CHRNA7: variants seen among roughly 807,000 people sequenced by gnomAD.
CHRNA7 encodes cholinergic receptor nicotinic alpha 7 subunit.
A neutral mutation model predicts 48.0 loss-of-function variants in CHRNA7; 17 were observed. The ratio of observed to expected loss-of-function variants is 0.35; its 90% CI spans 0.24 to 0.53. The LOEUF is 0.53. Ranked by LOEUF, CHRNA7 falls within the 20% of genes least tolerant of loss-of-function variation. The probability of loss-of-function intolerance (pLI) is 0.92; values close to 1 mark genes in which losing one functional copy is unlikely to be tolerated. For synonymous variants in CHRNA7, 75 were observed against 242.3 expected (o/e 0.31, Z 6.41); for missense variants, 155 against 577.7 (o/e 0.27, Z 7.50).
At chr15:32,114,469 G>A (rs8035022) in intron 4 of CHRNA7, among the ~76,000 whole-genome samples, 4,664 of 152,196 alleles carry the variant, frequency 0.031, 194 homozygotes, top group African/African-American at 0.097. Context: ...CTCTACTGAA[G>A]GATCCTGCTC....
At chr15:32,147,878 C>T (rs1247419829) in intron 4 of CHRNA7, among the ~76,000 whole-genome samples, 2 of 152,318 alleles carry the variant, frequency 1.3e-5, no homozygotes, top group African/African-American at 4.8e-5. Context: ...GCCTTGCTTT[C>T]CCTCTGCAAT....
chr15:32,099,510 T>C (rs1310185803), intron 2 of CHRNA7: 5 of 152,202 alleles, frequency 3.3e-5, no homozygotes, highest in Non-Finnish European at 5.9e-5. Context: ...TCTGTTAGAA[T>C]GTTGGAAAGA....
At chr15:32,131,366 CT>C (rs139275618) in intron 4 of CHRNA7, among the ~76,000 whole-genome samples, 3 of 150,412 alleles carry the variant, frequency 2.0e-5, no homozygotes, top group African/African-American at 7.3e-5. Flanking sequence ...GATTTTTTTT[CT>C]TTTTTTTGGT....
intron 4 of CHRNA7, among the ~76,000 whole-genome samples, chr15:32,131,396 T>A (rs568595309): frequency 6.6e-6 from 1 of 152,084 alleles, no homozygotes; most frequent in East Asian, 1.9e-4. Flanking sequence ...CCTTTGTTGC[T>A]CCGATTGCAT....
At chr15:32,119,633 TA>T (rs34142321) in intron 4 of CHRNA7, among the ~76,000 whole-genome samples, 18,887 of 151,732 alleles carry the variant, frequency 0.12, 1,169 homozygotes, top group Middle Eastern at 0.15. Context: ...TTGAACATTT[TA>T]AAAAAAAATA....
intron 4 of CHRNA7, among the ~76,000 whole-genome samples, chr15:32,136,948 C>T (rs1254436361): frequency 3.6e-5 from 5 of 138,680 alleles, no homozygotes; most frequent in South Asian, 2.4e-4. Flanking sequence ...AGGAGAATGG[C>T]GTGAACCCGG....
At chr15:32,068,607 C>A (rs2050003365) in intron 2 of CHRNA7, among the ~76,000 whole-genome samples, 1 of 151,604 alleles carries the variant, frequency 6.6e-6, no homozygotes, top group African/African-American at 2.4e-5. Flanking sequence ...CCTGTAATCC[C>A]AGCTATTCGG....
intron 2 of CHRNA7, among the ~76,000 whole-genome samples, chr15:32,085,358 G>A (rs2050279039): frequency 1.3e-5 from 2 of 152,116 alleles, no homozygotes; most frequent in Admixed American, 6.5e-5. Flanking sequence ...ATCATTAGCC[G>A]TCTCTGCTAC....
intron 4 of CHRNA7, among the ~76,000 whole-genome samples, chr15:32,138,042 T>C (rs2051303663): frequency 6.6e-6 from 1 of 151,914 alleles, no homozygotes; most frequent in Non-Finnish European, 1.5e-5. Flanking sequence ...TTATAAAATA[T>C]AACATTAACT....
chr15:32,047,749 A>G (rs2049580494), intron 2 of CHRNA7, among the ~76,000 whole-genome samples: 1 of 152,190 alleles, frequency 6.6e-6, no homozygotes, highest in Admixed American at 6.6e-5. Flanking sequence ...TGTCTGTGCC[A>G]GTTTTCAAAG....
At chr15:32,095,214 G>T (rs1253020352) in intron 2 of CHRNA7, among the ~76,000 whole-genome samples, 1 of 152,212 alleles carries the variant, frequency 6.6e-6, no homozygotes, top group Non-Finnish European at 1.5e-5. Context: ...TGTATCCCGA[G>T]AGGGCCAGGC....
intron 2 of CHRNA7, among the ~76,000 whole-genome samples, chr15:32,057,915 A>C (rs935787489): frequency 6.6e-6 from 1 of 152,214 alleles, no homozygotes; most frequent in Non-Finnish European, 1.5e-5. Context: ...AGTCAGGTAA[A>C]TTTCAGACAG....
chr15:32,147,083 C>T (rs1566873889), intron 4 of CHRNA7, among the ~76,000 whole-genome samples: 1 of 152,198 alleles, frequency 6.6e-6, no homozygotes, highest in East Asian at 1.9e-4. Context: ...TTACTTATAG[C>T]TTTGCTGTAA....
intron 4 of CHRNA7, among the ~76,000 whole-genome samples, chr15:32,120,603 C>T (rs2050951832): frequency 6.6e-6 from 1 of 151,776 alleles, no homozygotes; most frequent in Non-Finnish European, 1.5e-5. Context: ...GCTGTCTGTG[C>T]AAGAGTTTGA....
intron 2 of CHRNA7, among the ~76,000 whole-genome samples, chr15:32,088,701 G>A (rs560186192): frequency 6.6e-6 from 1 of 152,152 alleles, no homozygotes; most frequent in East Asian, 1.9e-4. Context: ...CTTTTAATAT[G>A]TTTATTTGTT....
At chr15:32,045,445 C>T (rs2049523445) in intron 2 of CHRNA7, among the ~76,000 whole-genome samples, 1 of 152,196 alleles carries the variant, frequency 6.6e-6, no homozygotes, top group Non-Finnish European at 1.5e-5. Flanking sequence ...AGATGGGCTT[C>T]AGTCCCTTTA....
At chr15:32,076,943 C>T (rs113931804) in intron 2 of CHRNA7, among the ~76,000 whole-genome samples, 109 of 152,232 alleles carry the variant, frequency 7.2e-4, no homozygotes, top group African/African-American at 2.6e-3. Flanking sequence ...ATCCCTTGCT[C>T]CACCCAACTC....
chr15:32,079,387 C>A (rs2050182079), intron 2 of CHRNA7, among the ~76,000 whole-genome samples: 1 of 152,086 alleles, frequency 6.6e-6, no homozygotes, highest in Non-Finnish European at 1.5e-5. Context: ...TGATATGATC[C>A]TATATCTAGA....
At chr15:32,083,883 G>C (rs1270824047) in intron 2 of CHRNA7, among the ~76,000 whole-genome samples, 3 of 152,152 alleles carry the variant, frequency 2.0e-5, no homozygotes, top group African/African-American at 7.2e-5. Flanking sequence ...CTCATGTCAG[G>C]AGTCACTTCA....
Sources: gnomAD v4.1 joint callset for allele counts (sites outside exome capture counted in the v4.1 genomes callset) on GRCh38, gnomAD v4.1.1 for gene constraint, MANE v1.5 for transcripts, NCBI Gene and HGNC (gene_info 2026-07-23, HGNC 2026-07-21) for gene names.